The following KPNA1 variants were observed in gnomAD, a reference collection of about 807,000 sequenced individuals.
KPNA1 encodes the protein karyopherin subunit alpha 1, also known as importin subunit alpha-5.
In KPNA1, 10 loss-of-function variants were observed where a neutral mutation model predicts 70.5. The ratio of observed to expected loss-of-function variants is 0.14; its 90% CI spans 0.09 to 0.24. The LOEUF is 0.24. Ranked by LOEUF, KPNA1 falls within the 10% of genes least tolerant of loss-of-function variation. KPNA1 has a pLI of 1.00. For missense variants in KPNA1, 397 were observed against 637.9 expected (o/e 0.62, Z 4.07); for synonymous variants, 192 against 221.9 (o/e 0.87, Z 1.20).
intron 2 of KPNA1, among the ~76,000 whole-genome samples, chr3:122,478,914 A>G (rs2076537703): frequency 6.7e-6 from 1 of 150,088 alleles, no homozygotes; most frequent in Admixed American, 6.6e-5. Flanking sequence ...AAAAAAAAAA[A>G]AAAAAAGAAC....
At chr3:122,433,593 G>T in intron 12 of KPNA1, 68 bp downstream of exon 12, 1 of 1,343,392 alleles carries the variant, frequency 7.4e-7, no homozygotes, top group Non-Finnish European at 1.0e-6. Context: ...TATGTGGGAG[G>T]TTATAAAGTG....
intron 10 of KPNA1, among the ~76,000 whole-genome samples, chr3:122,438,010 A>AT (rs949990149): frequency 1.3e-5 from 2 of 152,160 alleles, no homozygotes; most frequent in African/African-American, 4.8e-5. Context: ...ATTAAAGACA[A>AT]TTTTTTCAAT....
chr3:122,423,021 A>ATTGT lies in KPNA1; in HGVS notation c.*3960_*3963dup, dbSNP rs2075779593. Reference sequence around the variant, plus strand: ...CAGATATTCTGATGTCCTGGTATCCATTGTTATAACCTGTATATAACCTGT... The same window carrying ATTGT: ...CAGATATTCTGATGTCCTGGTATCCATTGTTTGTTATAACCTGTATATAACCTGT... On this transcript the variant is annotated 3_prime_UTR_variant, in exon 14 of 14. Transcript: ENST00000344337. 6.6e-6 allele frequency: 1 copy of ATTGT among 152,196 alleles called. No homozygotes were observed. The highest frequency in any genetic ancestry group is 2.4e-5 in the African/African-American group (1 of 41,442). The allele number at this position is 152,196 out of a possible 1,614,324, so 9.4% of individuals were successfully genotyped here.
chr3:122,476,066 G>C (rs1045041246), intron 2 of KPNA1, among the ~76,000 whole-genome samples: 6 of 152,150 alleles, frequency 3.9e-5, no homozygotes, highest in Non-Finnish European at 7.3e-5. Flanking sequence ...AATCAAAACA[G>C]CAAGGTCTTG....
In KPNA1 at chr3:122,451,561, C is replaced by A. The variant is rs1020076979; in HGVS notation, c.726G>T (p.Gly242=). The change falls in exon 8 of 14, where the codon GGG becomes GGT. Residue 242 remains glycine, a synonymous_variant. Coordinates refer to ENST00000344337, the MANE Select transcript of KPNA1 (RefSeq NM_002264.4). ...AVWALSNLCR[G]KSPPPEFAKV... ...TTGCAAATTCTGGAGGTGGACTTTTCCCTCTACAGAGATTAGACAAAGCCC... is the reference window on the plus strand; with the variant it reads ...TTGCAAATTCTGGAGGTGGACTTTTACCTCTACAGAGATTAGACAAAGCCC... 1.2e-5 allele frequency: 20 copies of A among 1,613,122 alleles called. No homozygotes were observed. Among genetic ancestry groups the A allele is most frequent in the Non-Finnish European group, 1.7e-5 (20 of 1,179,548 alleles).
chr3:122,463,217 G>A (rs567710785), intron 4 of KPNA1, among the ~76,000 whole-genome samples: 2 of 152,072 alleles, frequency 1.3e-5, no homozygotes, highest in African/African-American at 4.8e-5. Context: ...GCACGGTGGC[G>A]AGCGCCTGTA....
chr3:122,425,129 C>G lies in KPNA1; in HGVS notation c.*1856G>C, dbSNP rs190918915. On this transcript the variant is annotated 3_prime_UTR_variant, in exon 14 of 14. Transcript: ENST00000344337. ...CGGTATCCATCCCAGAGCACAGACA[C>G]TACTACAGACTAGATGCGAAGAATG... 36 of 152,650 alleles carry G rather than the reference C, an allele frequency of 2.4e-4. No homozygotes were observed. The highest frequency in any genetic ancestry group is 5.0e-4 in the Non-Finnish European group (34 of 68,048). 9.5% of individuals were successfully genotyped at this position (152,650 alleles called of 1,614,324 possible).
chr3:122,434,364 A>C (rs1195703362), intron 11 of KPNA1, among the ~76,000 whole-genome samples: 1 of 152,168 alleles, frequency 6.6e-6, no homozygotes, highest in African/African-American at 2.4e-5. Context: ...GCCCACAGTA[A>C]CAAATTGTTA....
chr3:122,452,237 G>A (rs1384969458), intron 6 of KPNA1, among the ~76,000 whole-genome samples, 173 bp from the exon 7 acceptor site: 2 of 151,958 alleles, frequency 1.3e-5, no homozygotes, highest in African/African-American at 2.4e-5. Flanking sequence ...GAAGGTATTC[G>A]GTTTATTAAA....
At chr3:122,510,901 A>G (rs1576355405) in intron 1 of KPNA1, among the ~76,000 whole-genome samples, 1 of 152,178 alleles carries the variant, frequency 6.6e-6, no homozygotes, top group African/African-American at 2.4e-5. Context: ...CACGACGGTT[A>G]TATTAGATCT....
chr3:122,477,888 G>T (rs564263484), intron 2 of KPNA1, among the ~76,000 whole-genome samples: 1 of 150,850 alleles, frequency 6.6e-6, no homozygotes, highest in Non-Finnish European at 1.5e-5. Flanking sequence ...TCCAGGCTGC[G>T]TGCAATGGCT....
intron 8 of KPNA1, among the ~76,000 whole-genome samples, chr3:122,451,263 A>C (rs1231369561): frequency 2.0e-5 from 3 of 152,204 alleles, no homozygotes; most frequent in Non-Finnish European, 4.4e-5. Context: ...TATGAAGCCT[A>C]ATTTCAATAA....
At chr3:122,471,162 G>A (rs944745898) in intron 2 of KPNA1, among the ~76,000 whole-genome samples, 5 of 152,168 alleles carry the variant, frequency 3.3e-5, no homozygotes, top group South Asian at 4.1e-4. Flanking sequence ...TAGAAGCTGG[G>A]CCTGCATACA....
chr3:122,447,399 T>A (rs950039680), intron 9 of KPNA1, among the ~76,000 whole-genome samples: 1 of 152,196 alleles, frequency 6.6e-6, no homozygotes, highest in Non-Finnish European at 1.5e-5. Flanking sequence ...ATCCATCACA[T>A]AAACAGAACC....
At chr3:122,460,648 G>GGA in intron 5 of KPNA1, 1 of 481,294 alleles carries the variant, frequency 2.1e-6, no homozygotes, top group Non-Finnish European at 2.5e-6. Context: ...AGAAAAAGAA[G>GGA]AAAAAAAAAA....
intron 1 of KPNA1, among the ~76,000 whole-genome samples, chr3:122,500,453 A>C (rs1395408862): frequency 6.6e-6 from 1 of 151,318 alleles, no homozygotes; most frequent in Non-Finnish European, 1.5e-5. Flanking sequence ...TTATAACCTT[A>C]CTAATTTTTA....
At chr3:122,433,877 C>CT in intron 11 of KPNA1, 89 bp from the exon 12 acceptor site, 1 of 913,930 alleles carries the variant, frequency 1.1e-6, no homozygotes. Flanking sequence ...GCTAGTTTGA[C>CT]TATTAACACC....
At chr3:122,450,772 G>C (rs1234225470) in intron 8 of KPNA1, among the ~76,000 whole-genome samples, 1 of 152,172 alleles carries the variant, frequency 6.6e-6, no homozygotes, top group Non-Finnish European at 1.5e-5. Flanking sequence ...CAGAGGAAAA[G>C]AGGTCATTAT....
intron 1 of KPNA1, among the ~76,000 whole-genome samples, chr3:122,498,809 TAA>T (rs1040003831): frequency 1.1e-4 from 17 of 152,248 alleles, no homozygotes; most frequent in African/African-American, 4.1e-4. Context: ...ATGATTCTGA[TAA>T]GAGACTGCAC....
Sources: gnomAD v4.1 joint callset for allele counts (sites outside exome capture counted in the v4.1 genomes callset) on GRCh38, gnomAD v4.1.1 for gene constraint, MANE v1.5 for transcripts, NCBI Gene and HGNC (gene_info 2026-07-23, HGNC 2026-07-21) for gene names.